The following ACACA variants were observed in gnomAD, a reference collection of about 807,000 sequenced individuals.
ACACA encodes acetyl-CoA carboxylase alpha.
A neutral mutation model predicts 296.1 loss-of-function variants in ACACA; 103 were observed. The observed-to-expected ratio is 0.35, with a 90% CI of 0.30 to 0.41. The LOEUF is 0.41. Ranked by LOEUF, ACACA falls within the 10% of genes least tolerant of loss-of-function variation. The probability of loss-of-function intolerance (pLI) is 1.00; values close to 1 mark genes in which losing one functional copy is unlikely to be tolerated. For synonymous variants in ACACA, 953 were observed against 1,038.6 expected (o/e 0.92, Z 1.58); for missense variants, 1,554 against 2,989.7 (o/e 0.52, Z 11.20).
At chr17:37,251,871 C>T (rs2146103768) in intron 16 of ACACA, 134 bp downstream of exon 16, 1 of 857,022 alleles carries the variant, frequency 1.2e-6, no homozygotes, top group South Asian at 1.4e-5. Flanking sequence ...TTTCTTGCCA[C>T]CATGGTCCAT....
intron 33 of ACACA, 84 bp from the exon 34 acceptor site, chr17:37,200,567 T>G: frequency 7.8e-7 from 1 of 1,278,500 alleles, no homozygotes; most frequent in East Asian, 2.4e-5. Context: ...TTGTAAGGCT[T>G]TGGTGGAGTT....
intron 3 of ACACA, among the ~76,000 whole-genome samples, chr17:37,306,933 A>C (rs1336603093): frequency 6.6e-6 from 1 of 151,918 alleles, no homozygotes; most frequent in East Asian, 1.9e-4. Context: ...CCTGGCCTCA[A>C]CTGATCCTCC....
chr17:37,204,645 T>C (rs1269650680), intron 33 of ACACA, among the ~76,000 whole-genome samples: 2 of 152,172 alleles, frequency 1.3e-5, no homozygotes, highest in African/African-American at 2.4e-5. Context: ...ACTGAAGAGA[T>C]GAAATTTGAG....
rs763968366 is a variant in ACACA at position 37,221,790 on chromosome 17, C to T, written c.3617G>A (p.Arg1206His). 79 of 1,614,018 alleles carry T rather than the reference C, an allele frequency of 4.9e-5. No homozygotes were observed. The Admixed American group carries it at 7.3e-4, about 15-fold the overall frequency. ...IAYELNSVQH[R>H]QLKDNTCVVE... ...CACACAGGTGTTGTCCTTAAGCTGGCGGTGTTGTACGCTGTTAAGTTCATA... is the reference window on the plus strand; with the variant it reads ...CACACAGGTGTTGTCCTTAAGCTGGTGGTGTTGTACGCTGTTAAGTTCATA... Residue 1206 changes from arginine (R) to histidine (H), a missense_variant, in exon 29 of 56, where the codon CGC becomes CAC. Physicochemically the swap from Arg to His is conservative, Grantham distance 29. Coordinates refer to ENST00000616317, the MANE Select transcript of ACACA (RefSeq NM_198834.3).
chr17:37,405,540 G>A (rs184386290), intron 1 of ACACA, among the ~76,000 whole-genome samples: 2 of 152,238 alleles, frequency 1.3e-5, no homozygotes, highest in East Asian at 3.9e-4. Context: ...CTGGTGGGAG[G>A]TGGTTTTTCT....
intron 45 of ACACA, among the ~76,000 whole-genome samples, chr17:37,131,359 G>T (rs2075087107): frequency 6.6e-6 from 1 of 152,192 alleles, no homozygotes; most frequent in East Asian, 1.9e-4. Context: ...TGACCCAGCA[G>T]ATGGAAGCCG....
intron 47 of ACACA, 44 bp from the exon 48 acceptor site, chr17:37,125,838 T>C (rs1355150407): frequency 2.0e-6 from 3 of 1,526,882 alleles, no homozygotes; most frequent in Admixed American, 3.4e-5. Context: ...GGACAGTGAA[T>C]CCATTGACAA....
At chr17:37,322,630 G>A (rs1029422650) in intron 3 of ACACA, among the ~76,000 whole-genome samples, 5 of 152,064 alleles carry the variant, frequency 3.3e-5, no homozygotes, top group Non-Finnish European at 5.9e-5. Flanking sequence ...AAATAAACCC[G>A]AGACCACAGC....
chr17:37,277,776 C>A (rs2082341114), intron 6 of ACACA, 120 bp downstream of exon 6: 4 of 736,202 alleles, frequency 5.4e-6, no homozygotes, highest in South Asian at 3.0e-5. Context: ...ATCCCATACA[C>A]AGGCATTTAA....
chr17:37,195,798 C>T (rs2077968620), intron 35 of ACACA, among the ~76,000 whole-genome samples: 1 of 152,162 alleles, frequency 6.6e-6, no homozygotes, highest in Non-Finnish European at 1.5e-5. Context: ...ATCTCATCCT[C>T]ATACTGCCAG....
At chr17:37,292,765 G>A (rs952962325) in intron 3 of ACACA, among the ~76,000 whole-genome samples, 4 of 152,346 alleles carry the variant, frequency 2.6e-5, no homozygotes, top group African/African-American at 9.6e-5. Context: ...CTGGGAAGCT[G>A]AGACAGGAGA....
At chr17:37,324,684 A>T (rs2047515514) in intron 3 of ACACA, among the ~76,000 whole-genome samples, 1 of 150,462 alleles carries the variant, frequency 6.6e-6, no homozygotes. Flanking sequence ...AAAAAAAAAA[A>T]ATTTGCCAGG....
At chr17:37,248,281 C>G in intron 17 of ACACA, 125 bp from the exon 18 acceptor site, 1 of 1,206,406 alleles carries the variant, frequency 8.3e-7, no homozygotes, top group Non-Finnish European at 1.2e-6. Flanking sequence ...GGCACTGATG[C>G]TATTTGCATC....
chr17:37,113,390 C>CT lies in ACACA; in HGVS notation c.6275-126dup. 1.1e-6 allele frequency: 1 copy of CT among 938,006 alleles called. No homozygotes were observed. The allele number at this position is 938,006 out of a possible 1,614,324, so 58.1% of individuals were successfully genotyped here. A position where few individuals can be genotyped will look rare whatever the true frequency, so the allele number is the denominator to read the frequency against. ...ATACTATGCCTCCTGTTTGGCCACC[C>CT]TATAGACTAAAGGGAGTATCGACCT... On this transcript the variant is annotated intron_variant, in intron 50 of 55. Transcript: ENST00000616317. This position sits in a 1 kb window ranked among gnomAD's most constrained non-coding sequence, Gnocchi z 4.0.
chr17:37,375,992 G>T, intron 1 of ACACA: 1 of 940,968 alleles, frequency 1.1e-6, no homozygotes, highest in South Asian at 1.4e-5. Context: ...GGTCAAACTT[G>T]GTTCCAGCTG....
chr17:37,227,054 C>T (rs2079572483), intron 25 of ACACA, among the ~76,000 whole-genome samples: 1 of 152,054 alleles, frequency 6.6e-6, no homozygotes. Context: ...AGAATCATTC[C>T]ATGATACTTA....
intron 3 of ACACA, among the ~76,000 whole-genome samples, chr17:37,322,264 T>G (rs1016538045): frequency 1.3e-5 from 2 of 152,238 alleles, no homozygotes; most frequent in East Asian, 3.8e-4. Flanking sequence ...ACCCCAGTGA[T>G]AGACATCTTA....
At chr17:37,198,235 G>T (rs1255351410) in intron 35 of ACACA, among the ~76,000 whole-genome samples, 1 of 152,168 alleles carries the variant, frequency 6.6e-6, no homozygotes, top group Non-Finnish European at 1.5e-5. Context: ...AAAAATTTTA[G>T]TGAACAGTTT....
chr17:37,361,269 C>T (rs1233627476), intron 1 of ACACA, among the ~76,000 whole-genome samples: 1 of 151,980 alleles, frequency 6.6e-6, no homozygotes, highest in Non-Finnish European at 1.5e-5. Flanking sequence ...GATCTCTTGA[C>T]CTCGTGATCC....
Sources: gnomAD v4.1 joint callset for allele counts (sites outside exome capture counted in the v4.1 genomes callset) on GRCh38, gnomAD v4.1.1 for gene constraint, Gnocchi (gnomAD v3.1) non-coding constraint, MANE v1.5 for transcripts, NCBI Gene and HGNC (gene_info 2026-07-23, HGNC 2026-07-21) for gene names.